The following LETM1 variants were observed in gnomAD, a reference collection of about 807,000 sequenced individuals.
LETM1 encodes the protein leucine zipper and EF-hand containing transmembrane protein 1.
LETM1 carries 50 observed loss-of-function variants against 74.5 expected under a neutral mutation model. The ratio of observed to expected loss-of-function variants is 0.67; its 90% CI spans 0.53 to 0.85. LETM1 has a LOEUF of 0.85. Among genes scored for constraint, LETM1 ranks in the 40% least tolerant of loss-of-function variants. The pLI is 0.00. For synonymous variants in LETM1, 446 were observed against 407.1 expected, an observed-to-expected ratio of 1.10 and a Z score of -1.15; for missense variants, 824 against 967.8, an observed-to-expected ratio of 0.85 and a Z score of 1.97.
At chr4:1,843,096 C>T (rs116802888) in intron 2 of LETM1, 280 of 263,764 alleles carry the variant, frequency 1.1e-3, no homozygotes, top group African/African-American at 5.9e-3. Context: ...CAGCAAGGCC[C>T]GAGCTCCGGA....
intron 4 of LETM1, among the ~76,000 whole-genome samples, chr4:1,835,918 CA>C (rs1023358043): frequency 6.6e-6 from 1 of 151,306 alleles, no homozygotes; most frequent in Non-Finnish European, 1.5e-5. Flanking sequence ...CTATAAAAAA[CA>C]AAAAAAAATT....
intron 9 of LETM1, 129 bp from the exon 10 acceptor site, chr4:1,822,441 A>C (rs1042906804): frequency 7.5e-5 from 82 of 1,093,536 alleles, no homozygotes; most frequent in Middle Eastern, 7.1e-4. Context: ...TGGGCAGCAC[A>C]CCTGCCACAG....
chr4:1,843,157 C>G (rs1712763049), intron 2 of LETM1: 1 of 169,478 alleles, frequency 5.9e-6, no homozygotes, highest in African/African-American at 2.7e-5. Context: ...GCTGCGTGAC[C>G]TTAGACTGAG....
At chr4:1,855,674 G>T (rs1257874303) in intron 1 of LETM1, among the ~76,000 whole-genome samples, 195 bp downstream of exon 1, 3 of 152,256 alleles carry the variant, frequency 2.0e-5, no homozygotes, top group Middle Eastern at 3.4e-3. Flanking sequence ...CACGGCAGAG[G>T]CCCAGCGGCT....
intron 6 of LETM1, 68 bp from the exon 7 acceptor site, chr4:1,825,751 C>A: frequency 1.3e-6 from 2 of 1,517,660 alleles, no homozygotes; most frequent in Non-Finnish European, 1.8e-6. Context: ...TGTGTGAACA[C>A]CCTCCAGAAT....
At chr4:1,854,873 G>C (rs558792424) in intron 1 of LETM1, among the ~76,000 whole-genome samples, 10 of 151,938 alleles carry the variant, frequency 6.6e-5, no homozygotes, top group Non-Finnish European at 1.5e-4. Flanking sequence ...ATCTCTTTGG[G>C]GGTGGGGAAC....
rs1437560701 is a variant in LETM1, at chr4:1,811,958, G to A, written c.*2466C>T. 5 of 152,140 alleles carry A rather than the reference G, an allele frequency of 3.3e-5. No individual in the cohort carries two copies. The highest frequency in any genetic ancestry group is 1.2e-4 in the African/African-American group (5 of 41,424). 9.4% of individuals were successfully genotyped at this position (152,140 alleles called of 1,614,324 possible). ...ACTTGCCCGTAATCCCAGCACTTTG[G>A]GAGGCCGAGGTGAGTAGATCACGAA... On this transcript the variant is annotated 3_prime_UTR_variant, in exon 14 of 14. Coordinates refer to ENST00000302787, the MANE Select transcript of LETM1 (RefSeq NM_012318.3).
At chr4:1,818,650 C>T (rs1420378963) in intron 11 of LETM1, among the ~76,000 whole-genome samples, 3 of 151,646 alleles carry the variant, frequency 2.0e-5, no homozygotes, top group Admixed American at 6.6e-5. Flanking sequence ...GAAAAAAAAT[C>T]GTTATTAGGA....
chr4:1,814,641 C>A, intron 13 of LETM1, 68 bp from the exon 14 acceptor site: 1 of 1,419,736 alleles, frequency 7.0e-7, no homozygotes, highest in Non-Finnish European at 9.8e-7. Context: ...AGAGGCGGGG[C>A]CAGCGCCGTC....
intron 1 of LETM1, among the ~76,000 whole-genome samples, chr4:1,850,878 A>G (rs1272122265): frequency 1.3e-5 from 2 of 150,764 alleles, no homozygotes; most frequent in African/African-American, 4.9e-5. Context: ...AGGCAGGATA[A>G]TCACCTGAAC....
At chr4:1,835,847 GCA>G (rs1265060057) in intron 4 of LETM1, among the ~76,000 whole-genome samples, 1 of 152,132 alleles carries the variant, frequency 6.6e-6, no homozygotes, top group Non-Finnish European at 1.5e-5. Context: ...GGAGGTCATG[GCA>G]AGAGGATTAC....
chr4:1,837,509 C>T (rs530043107), intron 3 of LETM1, among the ~76,000 whole-genome samples: 1 of 152,204 alleles, frequency 6.6e-6, no homozygotes, highest in East Asian at 1.9e-4. Context: ...TATTCCCAAA[C>T]GGTGCCATAT....
intron 9 of LETM1, 196 bp downstream of exon 9, chr4:1,822,792 C>G (rs779297136): frequency 2.3e-6 from 1 of 443,474 alleles, no homozygotes; most frequent in African/African-American, 2.0e-5. Flanking sequence ...CTGTGGCCAT[C>G]GGGGAGTCCC....
intron 10 of LETM1, among the ~76,000 whole-genome samples, chr4:1,821,170 GCAAGCTCTGC>G (rs1711762309): frequency 6.9e-6 from 1 of 145,642 alleles, no homozygotes; most frequent in Admixed American, 7.0e-5. Context: ...GTCACCCACT[GCAAGCTCTGC>G]CTCCCAGGTT....
intron 6 of LETM1, among the ~76,000 whole-genome samples, chr4:1,826,795 C>T (rs1712004406): frequency 6.6e-6 from 1 of 152,256 alleles, no homozygotes. Context: ...GGCTGGCTGG[C>T]CTCCGTTTGA....
intron 6 of LETM1, among the ~76,000 whole-genome samples, chr4:1,828,519 C>A (rs1341050150): frequency 3.9e-5 from 4 of 102,242 alleles, no homozygotes; most frequent in Admixed American, 8.5e-5. Context: ...CCCCCCCCCC[C>A]ACCTCCCTCC....
At chr4:1,853,359 C>T (rs548947239) in intron 1 of LETM1, among the ~76,000 whole-genome samples, 1 of 152,364 alleles carries the variant, frequency 6.6e-6, no homozygotes, top group Admixed American at 6.5e-5. Flanking sequence ...AAAAACCTGA[C>T]AAACACCACT....
At chr4:1,818,467 G>A (rs977765513) in intron 11 of LETM1, among the ~76,000 whole-genome samples, 1 of 151,448 alleles carries the variant, frequency 6.6e-6, no homozygotes, top group Admixed American at 6.6e-5. Flanking sequence ...CAAAAAATTA[G>A]CCAGGCATGG....
chr4:1,828,845 G>C lies in LETM1; in HGVS notation c.1081-3162C>G, dbSNP rs868802621. ...CCCCACCTCCCTCCCGGACGGGGCG[G>C]CTGGCCGGGCGGGAGGCTGACACCC... On this transcript the variant is annotated intron_variant, in intron 6 of 13. Transcript: ENST00000302787. 5.7e-5 allele frequency among the ~76,000 whole-genome samples: 7 copies of C among 122,786 alleles called. No individual in the cohort carries two copies. The East Asian group carries it at 1.4e-3, about 24-fold the overall frequency. The allele number at this position is 122,786 out of a possible 152,430, so 80.6% of individuals were successfully genotyped here. A position where few individuals can be genotyped will look rare whatever the true frequency, so the allele number is the denominator to read the frequency against.
Sources: allele counts gnomAD v4.1 joint callset (sites outside exome capture counted in the v4.1 genomes callset), GRCh38; gene constraint gnomAD v4.1.1; transcripts MANE v1.5; gene names NCBI Gene and HGNC (gene_info 2026-07-23, HGNC 2026-07-21).